PLXNA4: variants seen among roughly 807,000 people sequenced by gnomAD.
The protein encoded by PLXNA4 is plexin A4, also known as plexin-A4.
A neutral mutation model predicts 191.8 loss-of-function variants in PLXNA4; 44 were observed. The observed-to-expected ratio is 0.23, with a 90% CI of 0.18 to 0.29. The LOEUF (loss-of-function observed/expected upper bound fraction) is 0.29, where lower values mean the gene tolerates loss of function less well. Ranked by LOEUF, PLXNA4 falls within the 10% of genes least tolerant of loss-of-function variation. The pLI is 1.00. For synonymous variants in PLXNA4, 1,082 were observed against 1,009.5 expected (o/e 1.07, Z -1.36); for missense variants, 1,800 against 2,488.8 (o/e 0.72, Z 5.89).
intron 1 of PLXNA4, among the ~76,000 whole-genome samples, chr7:132,527,539 C>CAAAAAAA (rs34598256): frequency 5.0e-5 from 3 of 59,716 alleles, no homozygotes; most frequent in African/African-American, 6.3e-5. Flanking sequence ...GAAACAGACT[C>CAAAAAAA]AAAAAAAAAA....
intron 4 of PLXNA4, among the ~76,000 whole-genome samples, chr7:132,280,002 C>CAT (rs1584938991): frequency 6.6e-6 from 1 of 152,182 alleles, no homozygotes; most frequent in East Asian, 1.9e-4. Context: ...CATACATGCC[C>CAT]ATATATAGTT....
chr7:132,171,018 TG>T (rs1245748463), intron 21 of PLXNA4, among the ~76,000 whole-genome samples: 1 of 152,170 alleles, frequency 6.6e-6, no homozygotes. Flanking sequence ...TCCCCACCAC[TG>T]GGGGCTGATG....
At chr7:132,192,762 G>T (rs763847858) in intron 14 of PLXNA4, among the ~76,000 whole-genome samples, 6 of 152,136 alleles carry the variant, frequency 3.9e-5, no homozygotes, top group Non-Finnish European at 8.8e-5. Context: ...GGTGTGTGCG[G>T]CAGGGAATGT....
At chr7:132,471,436 G>A (rs1331264942) in intron 3 of PLXNA4, among the ~76,000 whole-genome samples, 1 of 152,138 alleles carries the variant, frequency 6.6e-6, no homozygotes, top group African/African-American at 2.4e-5. Flanking sequence ...TTCCTGGTGA[G>A]GTGCCCCTCT....
chr7:132,282,024 T>C (rs528442163), intron 4 of PLXNA4, among the ~76,000 whole-genome samples: 3 of 152,330 alleles, frequency 2.0e-5, no homozygotes, highest in Non-Finnish European at 2.9e-5. Flanking sequence ...CTCCAAGATG[T>C]TGGGTTCCCA....
intron 13 of PLXNA4, among the ~76,000 whole-genome samples, chr7:132,194,580 A>C (rs1797195281): frequency 6.6e-6 from 1 of 152,184 alleles, no homozygotes; most frequent in African/African-American, 2.4e-5. Context: ...CAGAACTTGG[A>C]ACAGACCTAA....
intron 4 of PLXNA4, among the ~76,000 whole-genome samples, chr7:132,246,598 A>C (rs1420289517): frequency 6.6e-6 from 1 of 151,896 alleles, no homozygotes; most frequent in East Asian, 1.9e-4. Context: ...GCCAGAAATC[A>C]CTCATGTGCC....
intron 26 of PLXNA4, 32 bp downstream of exon 26, chr7:132,148,511 G>A (rs1795500592): frequency 6.2e-7 from 1 of 1,613,206 alleles, no homozygotes; most frequent in Non-Finnish European, 8.5e-7. Flanking sequence ...CTTGTAGTTG[G>A]CTAGCTCCTC....
chr7:132,289,696 A>G (rs1037323), intron 4 of PLXNA4, among the ~76,000 whole-genome samples: 1 of 151,660 alleles, frequency 6.6e-6, no homozygotes, highest in Non-Finnish European at 1.5e-5. Flanking sequence ...CCACACCTGG[A>G]TAATTTTTAA....
intron 4 of PLXNA4, among the ~76,000 whole-genome samples, chr7:132,289,201 A>G (rs748028578): frequency 2.0e-4 from 31 of 152,226 alleles, no homozygotes; most frequent in Non-Finnish European, 3.5e-4. Context: ...AAATAAATAG[A>G]AGAAGGAAAG....
chr7:132,300,450 A>C (rs1801261073), intron 3 of PLXNA4, among the ~76,000 whole-genome samples: 1 of 152,250 alleles, frequency 6.6e-6, no homozygotes, highest in South Asian at 2.1e-4. Context: ...TGAATAAATT[A>C]ATGAATGTAG....
chr7:132,496,771 G>C (rs911399800), intron 2 of PLXNA4, among the ~76,000 whole-genome samples: 12 of 152,126 alleles, frequency 7.9e-5, no homozygotes, highest in African/African-American at 2.9e-4. Flanking sequence ...TCTATTCCAG[G>C]ATCAGAGGAA....
At chr7:132,149,455 T>C (rs775038661) in intron 25 of PLXNA4, among the ~76,000 whole-genome samples, 2 of 152,204 alleles carry the variant, frequency 1.3e-5, no homozygotes, top group Non-Finnish European at 2.9e-5. Flanking sequence ...GTGCACATTC[T>C]TATCTCGAAA....
At chr7:132,406,264 T>A (rs1173045677) in intron 3 of PLXNA4, among the ~76,000 whole-genome samples, 1 of 152,190 alleles carries the variant, frequency 6.6e-6, no homozygotes, top group Non-Finnish European at 1.5e-5. Context: ...TGCCACACAA[T>A]GGTCTGAGTA....
chr7:132,628,843 T>C (rs1803436284), intron 2 of PLXNA4, among the ~76,000 whole-genome samples: 1 of 152,260 alleles, frequency 6.6e-6, no homozygotes, highest in Admixed American at 6.5e-5. Flanking sequence ...ATTTTCATCA[T>C]GAGGATATTT....
chr7:132,475,362 G>T (rs1057512435), intron 3 of PLXNA4, among the ~76,000 whole-genome samples: 1 of 152,182 alleles, frequency 6.6e-6, no homozygotes, highest in Non-Finnish European at 1.5e-5. Flanking sequence ...ATACTCACAT[G>T]TGTTCACAGT....
intron 3 of PLXNA4, among the ~76,000 whole-genome samples, chr7:132,443,532 G>A (rs1339862317): frequency 6.6e-6 from 1 of 152,152 alleles, no homozygotes; most frequent in Non-Finnish European, 1.5e-5. Flanking sequence ...AATTCCAGCT[G>A]CCACCGGGCC....
intron 1 of PLXNA4, among the ~76,000 whole-genome samples, chr7:132,509,636 A>G (rs1798628659): frequency 6.6e-6 from 1 of 152,080 alleles, no homozygotes; most frequent in South Asian, 2.1e-4. Flanking sequence ...ATCTCAGTTC[A>G]CCCCAACCTT....
At chr7:132,465,834 A>G (rs151130891) in intron 3 of PLXNA4, among the ~76,000 whole-genome samples, 23 of 152,272 alleles carry the variant, frequency 1.5e-4, no homozygotes, top group Non-Finnish European at 2.6e-4. Context: ...GAGCTGGAGG[A>G]GAGAGGGACT....
Sources: gnomAD v4.1 joint callset for allele counts (sites outside exome capture counted in the v4.1 genomes callset) on GRCh38, gnomAD v4.1.1 for gene constraint, MANE v1.5 for transcripts, NCBI Gene and HGNC (gene_info 2026-07-23, HGNC 2026-07-21) for gene names.